Variants in AGMO observed in about 807,000 individuals in gnomAD.
AGMO encodes the protein alkylglycerol monooxygenase.
Under a neutral mutation model 60.2 loss-of-function variants are expected in AGMO, and 75 were observed. The observed-to-expected ratio is 1.25, with a 90% CI of 1.03 to 1.51. The LOEUF is 1.51. Among genes scored for constraint, AGMO ranks in the 40% most tolerant of loss-of-function variants. The pLI is 0.00. For missense variants in AGMO, 763 were observed against 525.5 expected (o/e 1.45, Z -4.42); for synonymous variants, 261 against 177.1 (o/e 1.47, Z -3.76).
intron 2 of AGMO, among the ~76,000 whole-genome samples, chr7:15,550,444 A>G (rs1784918088): frequency 6.6e-6 from 1 of 152,214 alleles, no homozygotes; most frequent in Non-Finnish European, 1.5e-5. Flanking sequence ...AAGAAAAGAG[A>G]GAAGAATCAA....
chr7:15,387,653 T>C, intron 8 of AGMO, 113 bp from the exon 9 acceptor site: 1 of 732,622 alleles, frequency 1.4e-6, no homozygotes, highest in Non-Finnish European at 2.1e-6. Context: ...TTTAAAACGT[T>C]ATGCCTGATT....
chr7:15,557,272 T>C (rs1164513087), intron 2 of AGMO, among the ~76,000 whole-genome samples: 1 of 152,112 alleles, frequency 6.6e-6, no homozygotes, highest in Non-Finnish European at 1.5e-5. Context: ...GGAATTATTA[T>C]CCAAAGCATA....
chr7:15,403,949 T>C (rs181522988), intron 5 of AGMO, among the ~76,000 whole-genome samples: 221 of 152,060 alleles, frequency 1.5e-3, no homozygotes, highest in African/African-American at 5.1e-3. Flanking sequence ...CACTTTGAAA[T>C]GCTGGACAAA....
intron 12 of AGMO, among the ~76,000 whole-genome samples, chr7:15,212,055 A>G (rs781500197): frequency 2.0e-4 from 30 of 152,102 alleles, no homozygotes; most frequent in Non-Finnish European, 3.4e-4. Flanking sequence ...TTATTGTTCC[A>G]TATCTTTGCT....
At position 15,357,438 on chromosome 7, in the gene AGMO, G is replaced by C. The variant is rs1004752814; in HGVS notation, c.1263+8076C>G. Among the ~76,000 whole-genome samples the C allele has an allele frequency of 3.3e-5, 5 of 151,994 alleles. No homozygotes were observed. In the South Asian group the frequency reaches 1.0e-3, roughly 32 times the overall value. The stretch of plus-strand genomic sequence containing the variant: ...CAAGTAATAAATAAAACCTCAGCGT[G>C]GTAGACGGATAAAAGGCCATAAATT... On this transcript the variant is annotated intron_variant, in intron 12 of 12. Coordinates refer to ENST00000342526, the MANE Select transcript of AGMO (RefSeq NM_001004320.2).
At chr7:15,430,947 T>C (rs1354999648) in intron 4 of AGMO, 58 bp downstream of exon 4, 2 of 677,600 alleles carry the variant, frequency 3.0e-6, no homozygotes, top group East Asian at 6.7e-5. Flanking sequence ...GAAATAGAAA[T>C]AGCTGAGACT....
At chr7:15,221,043 G>A (rs988457781) in intron 12 of AGMO, among the ~76,000 whole-genome samples, 3 of 152,174 alleles carry the variant, frequency 2.0e-5, no homozygotes, top group Admixed American at 2.0e-4. Context: ...ATAACTTGGT[G>A]TTGTTTTACA....
chr7:15,497,521 A>T (rs151075699), intron 3 of AGMO, among the ~76,000 whole-genome samples: 243 of 152,148 alleles, frequency 1.6e-3, no homozygotes, highest in African/African-American at 5.1e-3. Context: ...TGAGAAGTGA[A>T]ATACAGTGTG....
chr7:15,244,195 A>T (rs1402739031), intron 12 of AGMO, among the ~76,000 whole-genome samples: 1 of 152,176 alleles, frequency 6.6e-6, no homozygotes, highest in Non-Finnish European at 1.5e-5. Context: ...AGAAGGATAC[A>T]AAGCATAAAA....
intron 12 of AGMO, among the ~76,000 whole-genome samples, chr7:15,354,326 GT>G (rs1782374757): frequency 1.9e-4 from 6 of 32,154 alleles, no homozygotes; most frequent in African/African-American, 4.5e-4. Context: ...GTGTATATAC[GT>G]ACGCGTGTAT....
At chr7:15,375,648 C>A (rs1175373416) in intron 10 of AGMO, among the ~76,000 whole-genome samples, 4 of 152,046 alleles carry the variant, frequency 2.6e-5, no homozygotes, top group African/African-American at 9.7e-5. Flanking sequence ...CCACCCACCT[C>A]GGCCTCCTAA....
At chr7:15,495,846 TCTCTCTCC>T (rs1218210528) in intron 3 of AGMO, among the ~76,000 whole-genome samples, 2 of 98,974 alleles carry the variant, frequency 2.0e-5, no homozygotes, top group Non-Finnish European at 4.8e-5. Flanking sequence ...CTCTCTCCTC[TCTCTCTCC>T]TCTCTCTCTC....
the AGMO span, among the ~76,000 whole-genome samples, chr7:15,131,450 G>A: frequency 6.6e-6 from 1 of 151,980 alleles, no homozygotes; most frequent in Admixed American, 6.6e-5. Context: ...AAACAAATGA[G>A]TTGACTCTTG....
rs1207200252 is a variant in AGMO at position 15,531,589 on chromosome 7, ATATATTCTATATATATATTCTATG to A, written c.409+13159_409+13182del. On this transcript the variant is annotated intron_variant, in intron 3 of 12. Coordinates refer to ENST00000342526, the MANE Select transcript of AGMO (RefSeq NM_001004320.2). Reference sequence around the variant, plus strand: ...TATATATTCCATATATATATTCTATATATATTCTATATATATATTCTATGTATATTCTATATATATATTCTATAT... The same window carrying A: ...TATATATTCCATATATATATTCTATATATATTCTATATATATATTCTATAT... Among the ~76,000 whole-genome samples, 9 of 120,308 alleles carry A rather than the reference ATATATTCTATATATATATTCTATG, an allele frequency of 7.5e-5. 1 individual carries two copies. The highest frequency in any genetic ancestry group is 4.1e-3 in the Middle Eastern group (1 of 244). The allele number at this position is 120,308 out of a possible 152,430, so 78.9% of individuals were successfully genotyped here. A position where few individuals can be genotyped will look rare whatever the true frequency, so the allele number is the denominator to read the frequency against.
intron 12 of AGMO, among the ~76,000 whole-genome samples, chr7:15,219,056 T>C (rs920004324): frequency 2.0e-5 from 3 of 152,208 alleles, no homozygotes; most frequent in African/African-American, 4.8e-5. Context: ...TGTAGCTTCA[T>C]ACATTTACTG....
chr7:15,342,931 G>T (rs1410279646), intron 12 of AGMO, among the ~76,000 whole-genome samples: 1 of 151,996 alleles, frequency 6.6e-6, no homozygotes. Flanking sequence ...GCTTCTCTGT[G>T]AGGAGTAAAT....
chr7:15,433,835 G>C (rs1781324503), intron 3 of AGMO, among the ~76,000 whole-genome samples: 1 of 151,578 alleles, frequency 6.6e-6, no homozygotes, highest in Non-Finnish European at 1.5e-5. Context: ...CTGCTTTCTA[G>C]TGCCAAATGT....
chr7:15,195,342 T>G (rs1781089758), downstream of AGMO, among the ~76,000 whole-genome samples: 1 of 152,172 alleles, frequency 6.6e-6, no homozygotes, highest in Admixed American at 6.5e-5. Context: ...CAGGGAGAGA[T>G]GGGTGCCCCA....
intron 12 of AGMO, among the ~76,000 whole-genome samples, chr7:15,276,479 G>A (rs904365009): frequency 6.6e-6 from 1 of 151,750 alleles, no homozygotes; most frequent in African/African-American, 2.4e-5. Flanking sequence ...TTTTCTTTCA[G>A]GTTGACTTTG....
Sources: allele counts gnomAD v4.1 joint callset (sites outside exome capture counted in the v4.1 genomes callset), GRCh38; gene constraint gnomAD v4.1.1; transcripts MANE v1.5; gene names NCBI Gene and HGNC (gene_info 2026-07-23, HGNC 2026-07-21).